Variants in ADD1 observed in about 807,000 individuals in gnomAD.
The protein encoded by ADD1 is alpha-adducin.
In ADD1, 24 loss-of-function variants were observed where a neutral mutation model predicts 80.5. That is an observed-to-expected ratio of 0.30 (90% CI 0.22 to 0.42). The LOEUF is 0.42. Ranked by LOEUF, ADD1 falls within the 10% of genes least tolerant of loss-of-function variation. The pLI, the probability that ADD1 is intolerant of heterozygous loss-of-function variation, is 1.00. For synonymous variants in ADD1, 373 were observed against 393.8 expected (o/e 0.95, Z 0.63); for missense variants, 948 against 1,019.0 (o/e 0.93, Z 0.95).
intron 4 of ADD1, among the ~76,000 whole-genome samples, chr4:2,892,659 A>G (rs369598452): frequency 6.6e-6 from 1 of 151,994 alleles, no homozygotes; most frequent in African/African-American, 2.4e-5. Context: ...GTGAGACCCC[A>G]TCTCTACCAA....
chr4:2,925,936 C>T, intron 14 of ADD1, 78 bp from the exon 15 acceptor site: 1 of 1,288,844 alleles, frequency 7.8e-7, no homozygotes, highest in Non-Finnish European at 1.1e-6. Context: ...GCGGGCTGCC[C>T]CATCTGCCAT....
chr4:2,900,838 A>C (rs7676937), intron 9 of ADD1: 6 of 152,200 alleles, frequency 3.9e-5, no homozygotes, highest in Admixed American at 3.3e-4. Flanking sequence ...GAGTTCATAT[A>C]ATCAGTGAGG....
intron 15 of ADD1, among the ~76,000 whole-genome samples, chr4:2,927,850 G>A (rs1235870508): frequency 1.3e-5 from 2 of 152,110 alleles, no homozygotes; most frequent in African/African-American, 2.4e-5. Flanking sequence ...AAAGCGGGAC[G>A]TCGCTCCTTT....
rs370218258 is a variant in ADD1 at position 2,875,899 on chromosome 4, C to T, written c.-17C>T. 1.3e-6 allele frequency: 2 copies of T among 1,568,966 alleles called. No homozygotes were observed. Among genetic ancestry groups the T allele is most frequent in the African/African-American group, 2.7e-5 (2 of 72,794 alleles). On this transcript the variant is annotated 5_prime_UTR_variant, in exon 2 of 16. Coordinates refer to ENST00000683351, the MANE Select transcript of ADD1 (RefSeq NM_001354761.2). ...TTCTTTTATTTTGATTCTGTAGGAA[C>T]CTAGAAAGATTGTACAATGAATGGT...
intron 1 of ADD1, chr4:2,868,183 A>G (rs1729839347): frequency 6.6e-6 from 1 of 152,210 alleles, no homozygotes; most frequent in African/African-American, 2.4e-5. Flanking sequence ...CTAGTACTGT[A>G]AGCAGTGGGG....
intron 1 of ADD1, among the ~76,000 whole-genome samples, chr4:2,860,449 C>T (rs1728681863): frequency 6.6e-6 from 1 of 152,182 alleles, no homozygotes; most frequent in Non-Finnish European, 1.5e-5. Context: ...CTCCAAGGGT[C>T]TCTTCAGTCG....
At chr4:2,884,212 G>A (rs1292733854) in intron 3 of ADD1, among the ~76,000 whole-genome samples, 1 of 152,162 alleles carries the variant, frequency 6.6e-6, no homozygotes, top group Admixed American at 6.5e-5. Context: ...ACTTAATTGT[G>A]TAAGTATTGG....
chr4:2,856,538 C>A (rs540583706), intron 1 of ADD1, among the ~76,000 whole-genome samples: 4 of 148,880 alleles, frequency 2.7e-5, no homozygotes, highest in African/African-American at 9.8e-5. Context: ...ATTTACTGTT[C>A]CCTATTTATT....
chr4:2,885,008 C>T (rs962562671), intron 4 of ADD1, among the ~76,000 whole-genome samples: 4 of 152,222 alleles, frequency 2.6e-5, no homozygotes, highest in Admixed American at 1.3e-4. Flanking sequence ...TTCCGTCTCT[C>T]AAACTTATTT....
At chr4:2,868,896 G>C (rs1729978637) in intron 1 of ADD1, among the ~76,000 whole-genome samples, 1 of 152,170 alleles carries the variant, frequency 6.6e-6, no homozygotes, top group Non-Finnish European at 1.5e-5. Flanking sequence ...ATGAGTGGGG[G>C]CTGAAAGGTT....
In ADD1 at chr4:2,920,279, C is replaced by T. The variant is rs542126762; in HGVS notation, c.1948+5239C>T. ...TAGGTGGTCAATTTTAGAATAAGTGCGATGTGGTGCTGAGAAGAATGTATA... is the reference window on the plus strand; with the variant it reads ...TAGGTGGTCAATTTTAGAATAAGTGTGATGTGGTGCTGAGAAGAATGTATA... On this transcript the variant is annotated intron_variant, in intron 14 of 15. Transcript: ENST00000683351. Among the ~76,000 whole-genome samples, 11 of 152,166 alleles carry T rather than the reference C, an allele frequency of 7.2e-5. No homozygotes were observed. The East Asian group carries it at 1.5e-3, about 21-fold the overall frequency.
chr4:2,875,502 AATT>A (rs1250717794), intron 1 of ADD1, among the ~76,000 whole-genome samples: 1 of 152,154 alleles, frequency 6.6e-6, no homozygotes, highest in Non-Finnish European at 1.5e-5. Context: ...TCAGAAATCA[AATT>A]TCTTTTGGAA....
chr4:2,924,028 T>C (rs1259614367), intron 14 of ADD1, among the ~76,000 whole-genome samples: 1 of 152,228 alleles, frequency 6.6e-6, no homozygotes, highest in African/African-American at 2.4e-5. Context: ...CCTTGAGGGT[T>C]TCCTGTGCAG....
At chr4:2,896,666 C>A (rs1735290324) in intron 6 of ADD1, among the ~76,000 whole-genome samples, 1 of 151,988 alleles carries the variant, frequency 6.6e-6, no homozygotes, top group Admixed American at 6.6e-5. Flanking sequence ...TGAAAGAATG[C>A]ATGTCACTCC....
chr4:2,858,097 C>T (rs188509100), intron 1 of ADD1, among the ~76,000 whole-genome samples: 7 of 152,218 alleles, frequency 4.6e-5, no homozygotes, highest in Admixed American at 3.3e-4. Flanking sequence ...CATACGAAGC[C>T]GTGATAACAG....
intron 13 of ADD1, among the ~76,000 whole-genome samples, chr4:2,913,255 T>C (rs1002792807): frequency 6.6e-6 from 1 of 152,234 alleles, no homozygotes; most frequent in Non-Finnish European, 1.5e-5. Flanking sequence ...GGCAGTGATA[T>C]CAGGATGCAG....
intron 4 of ADD1, among the ~76,000 whole-genome samples, chr4:2,892,046 G>A (rs1734378771): frequency 6.6e-6 from 1 of 152,124 alleles, no homozygotes; most frequent in African/African-American, 2.4e-5. Flanking sequence ...CCCATGACAC[G>A]GTGGGCTCTC....
At position 2,909,112 on chromosome 4, in the gene ADD1, C is replaced by G. The variant is rs193290610; in HGVS notation, c.1699-227C>G. 6.7e-5 allele frequency: 38 copies of G among 566,372 alleles called. No individual in the cohort carries two copies. The East Asian group carries it at 1.1e-3, about 16-fold the overall frequency. The allele number at this position is 566,372 out of a possible 1,614,324, so 35.1% of individuals were successfully genotyped here. A position where few individuals can be genotyped will look rare whatever the true frequency, so the allele number is the denominator to read the frequency against. On this transcript the variant is annotated intron_variant, in intron 12 of 15. Coordinates refer to ENST00000683351, the MANE Select transcript of ADD1 (RefSeq NM_001354761.2). ...GTTATCTCTGAAAACTAATATGCCACCTAATGCTTTAACACCTGACTCTGC... is the reference window on the plus strand; with the variant it reads ...GTTATCTCTGAAAACTAATATGCCAGCTAATGCTTTAACACCTGACTCTGC...
intron 2 of ADD1, among the ~76,000 whole-genome samples, chr4:2,878,169 G>C (rs552539416): frequency 6.6e-6 from 1 of 152,324 alleles, no homozygotes; most frequent in East Asian, 1.9e-4. Context: ...ATTGCATTCT[G>C]TGTGTGGCAG....
Sources: allele counts gnomAD v4.1 joint callset (sites outside exome capture counted in the v4.1 genomes callset), GRCh38; gene constraint gnomAD v4.1.1; transcripts MANE v1.5; gene names NCBI Gene and HGNC (gene_info 2026-07-23, HGNC 2026-07-21).